The following CFAP54 variants were observed in gnomAD, a reference collection of about 807,000 sequenced individuals.
The protein encoded by CFAP54 is cilia and flagella associated protein 54.
A neutral mutation model predicts 370.4 loss-of-function variants in CFAP54; 290 were observed. The ratio of observed to expected loss-of-function variants is 0.78; its 90% CI spans 0.71 to 0.86. The LOEUF is 0.86. CFAP54 is among the 40% of genes least tolerant of loss of function. The pLI is 0.00. For missense variants in CFAP54, 3,399 were observed against 3,528.7 expected (o/e 0.96, Z 0.93); for synonymous variants, 1,206 against 1,236.5 (o/e 0.98, Z 0.52).
At chr12:96,816,883 C>T (rs1256628946) in intron 64 of CFAP54, among the ~76,000 whole-genome samples, 2 of 152,216 alleles carry the variant, frequency 1.3e-5, no homozygotes, top group East Asian at 1.9e-4. Flanking sequence ...GCATGTGAAC[C>T]TTGTCTTCAG....
chr12:96,534,331 C>A, intron 11 of CFAP54, 104 bp downstream of exon 11: 1 of 676,340 alleles, frequency 1.5e-6, no homozygotes, highest in Non-Finnish European at 2.4e-6. Flanking sequence ...GCAAGAGGTA[C>A]AAAGGCCCTG....
intron 63 of CFAP54, among the ~76,000 whole-genome samples, chr12:96,795,458 G>C (rs978780670): frequency 6.6e-6 from 1 of 152,044 alleles, no homozygotes; most frequent in African/African-American, 2.4e-5. Context: ...GCTTGCTGTG[G>C]CTGCTGTGGG....
At chr12:96,630,773 C>CT in intron 32 of CFAP54, 122 bp downstream of exon 32, 1 of 461,484 alleles carries the variant, frequency 2.2e-6, no homozygotes, top group African/African-American at 2.0e-5. Context: ...CTTCAAGGAA[C>CT]TTACATACTA....
intron 40 of CFAP54, among the ~76,000 whole-genome samples, chr12:96,681,846 G>A (rs1414065326): frequency 2.6e-5 from 4 of 151,990 alleles, no homozygotes; most frequent in African/African-American, 7.2e-5. Context: ...TGATCCACCC[G>A]CCTCTGCCTC....
chr12:96,543,615 A>G (rs1955602795), intron 14 of CFAP54, among the ~76,000 whole-genome samples: 1 of 152,160 alleles, frequency 6.6e-6, no homozygotes. Context: ...ATTGCTAAGC[A>G]TTTTGTAGAA....
intron 41 of CFAP54, 101 bp downstream of exon 41, chr12:96,684,836 C>A: frequency 9.2e-7 from 1 of 1,087,368 alleles, no homozygotes; most frequent in South Asian, 1.5e-5. Flanking sequence ...AATTTTAGTT[C>A]TTCAACAATA....
chr12:96,548,055 A>T, intron 15 of CFAP54, 77 bp downstream of exon 15: 1 of 600,358 alleles, frequency 1.7e-6, no homozygotes, highest in Non-Finnish European at 2.8e-6. Flanking sequence ...GTAAATGCAT[A>T]ATGGTTAATT....
intron 33 of CFAP54, among the ~76,000 whole-genome samples, chr12:96,644,775 TG>T (rs1461825433): frequency 6.6e-6 from 1 of 152,126 alleles, no homozygotes; most frequent in Non-Finnish European, 1.5e-5. Flanking sequence ...GAGAACAGCA[TG>T]GGGAAAACTG....
At chr12:96,857,913 G>A (rs113733504) in intron 66 of CFAP54, among the ~76,000 whole-genome samples, 2,513 of 152,154 alleles carry the variant, frequency 0.017, 85 homozygotes, top group African/African-American at 0.057. Flanking sequence ...GTATGAAAAC[G>A]GATCAATATA....
intron 67 of CFAP54, among the ~76,000 whole-genome samples, chr12:96,871,899 G>A (rs1565769701): frequency 6.6e-6 from 1 of 152,036 alleles, no homozygotes; most frequent in African/African-American, 2.4e-5. Context: ...AGCTATGATG[G>A]CCTATTCATG....
chr12:96,767,442 G>A (rs1344577099), intron 60 of CFAP54, among the ~76,000 whole-genome samples: 1 of 152,200 alleles, frequency 6.6e-6, no homozygotes, highest in African/African-American at 2.4e-5. Context: ...TTCCGTGTCA[G>A]TGGCTTTCAT....
intron 64 of CFAP54, among the ~76,000 whole-genome samples, chr12:96,817,574 C>T (rs947534310): frequency 6.6e-6 from 1 of 152,012 alleles, no homozygotes; most frequent in Non-Finnish European, 1.5e-5. Context: ...GCGCCTGCCA[C>T]CACACCTGGC....
intron 59 of CFAP54, 85 bp from the exon 60 acceptor site, chr12:96,764,992 C>T (rs1006837571): frequency 5.1e-6 from 5 of 982,780 alleles, no homozygotes; most frequent in South Asian, 3.9e-5. Context: ...TTTATGAATT[C>T]ACTTTTTTCA....
At chr12:96,794,115 C>T (rs1958732562) in intron 63 of CFAP54, among the ~76,000 whole-genome samples, 1 of 152,114 alleles carries the variant, frequency 6.6e-6, no homozygotes, top group Non-Finnish European at 1.5e-5. Flanking sequence ...TGCTATTAAT[C>T]TTGTAGATTT....
intron 38 of CFAP54, among the ~76,000 whole-genome samples, chr12:96,662,940 A>G (rs1365818686): frequency 6.6e-6 from 1 of 152,182 alleles, no homozygotes; most frequent in African/African-American, 2.4e-5. Context: ...AATATATTAT[A>G]TAATGTACCA....
intron 65 of CFAP54, among the ~76,000 whole-genome samples, chr12:96,827,798 TATATAATACATA>T (rs1959136760): frequency 8.7e-6 from 1 of 115,322 alleles, no homozygotes; most frequent in African/African-American, 3.5e-5. Flanking sequence ...TATATAATTA[TATATAATACATA>T]GTAATATATT....
chr12:96,606,661 A>T (rs1391330950), intron 26 of CFAP54, among the ~76,000 whole-genome samples: 1 of 152,136 alleles, frequency 6.6e-6, no homozygotes, highest in African/African-American at 2.4e-5. Flanking sequence ...ATTTTGGCAG[A>T]TTATAGTAGC....
At chr12:96,665,775 T>A (rs1957073543) in intron 39 of CFAP54, among the ~76,000 whole-genome samples, 1 of 152,208 alleles carries the variant, frequency 6.6e-6, no homozygotes, top group East Asian at 1.9e-4. Flanking sequence ...TTTGTCCTTT[T>A]TGCTTAGTAT....
intron 51 of CFAP54, 58 bp downstream of exon 51, chr12:96,740,119 G>T: frequency 1.1e-6 from 1 of 949,278 alleles, no homozygotes; most frequent in South Asian, 1.5e-5. Flanking sequence ...CTATTGGCAT[G>T]CTAGGATATT....
Sources: gnomAD v4.1 joint callset for allele counts (sites outside exome capture counted in the v4.1 genomes callset) on GRCh38, gnomAD v4.1.1 for gene constraint, MANE v1.5 for transcripts, NCBI Gene and HGNC (gene_info 2026-07-23, HGNC 2026-07-21) for gene names.